The following ANTXR2 variants were observed in gnomAD, a reference collection of about 807,000 sequenced individuals.
The protein encoded by ANTXR2 is anthrax toxin receptor 2.
A neutral mutation model predicts 73.7 loss-of-function variants in ANTXR2; 44 were observed. That is an observed-to-expected ratio of 0.60 (90% CI 0.47 to 0.77). The LOEUF is 0.77. Among genes scored for constraint, ANTXR2 ranks in the 30% least tolerant of loss-of-function variants. The pLI is 0.00. For synonymous variants in ANTXR2, 217 were observed against 205.9 expected, an observed-to-expected ratio of 1.05 and a Z score of -0.46; for missense variants, 604 against 592.5, an observed-to-expected ratio of 1.02 and a Z score of -0.20.
chr4:79,977,388 C>A, intron 16 of ANTXR2: 2 of 825,858 alleles, frequency 2.4e-6, no homozygotes. Context: ...GTACAAATGA[C>A]CAGAATTGTA....
At chr4:80,060,468 A>G (rs35689427) in intron 3 of ANTXR2, among the ~76,000 whole-genome samples, 6,752 of 152,260 alleles carry the variant, frequency 0.044, 184 homozygotes, top group Middle Eastern at 0.11. Context: ...TTTTGGGTAA[A>G]TAGGATAATC....
chr4:80,028,973 C>A (rs1434664109), intron 10 of ANTXR2, among the ~76,000 whole-genome samples: 1 of 152,110 alleles, frequency 6.6e-6, no homozygotes, highest in Non-Finnish European at 1.5e-5. Context: ...TGTACCTGAT[C>A]CAGGAAAGGA....
chr4:80,011,569 G>A (rs1160783131), intron 11 of ANTXR2, among the ~76,000 whole-genome samples: 1 of 152,156 alleles, frequency 6.6e-6, no homozygotes, highest in Non-Finnish European at 1.5e-5. Context: ...GCATGCCTAT[G>A]TAAAACTGAG....
At chr4:80,057,551 G>T (rs758088789) in intron 3 of ANTXR2, among the ~76,000 whole-genome samples, 15 of 151,668 alleles carry the variant, frequency 9.9e-5, no homozygotes, top group Non-Finnish European at 2.1e-4. Context: ...CTCTTTCCTG[G>T]TTCACTCATC....
intron 12 of ANTXR2, among the ~76,000 whole-genome samples, chr4:79,999,112 T>C (rs774450105): frequency 6.6e-6 from 1 of 152,040 alleles, no homozygotes; most frequent in Non-Finnish European, 1.5e-5. Context: ...AGATCTTCTA[T>C]GGCAGGAGTT....
chr4:79,991,591 C>G (rs1301734024), intron 12 of ANTXR2, among the ~76,000 whole-genome samples: 12 of 152,070 alleles, frequency 7.9e-5, no homozygotes. Context: ...ATCCAGCAAT[C>G]CCATTATTGG....
At chr4:80,040,922 C>T (rs1733212475) in intron 7 of ANTXR2, among the ~76,000 whole-genome samples, 1 of 151,848 alleles carries the variant, frequency 6.6e-6, no homozygotes, top group South Asian at 2.1e-4. Flanking sequence ...GTTTTAAGTC[C>T]TCAAACATTA....
chr4:80,006,411 C>T (rs923110794), intron 12 of ANTXR2, among the ~76,000 whole-genome samples: 4 of 151,884 alleles, frequency 2.6e-5, no homozygotes. Context: ...TGCTATCATT[C>T]ACTTATATGT....
chr4:79,990,961 A>C (rs769768617), intron 12 of ANTXR2, among the ~76,000 whole-genome samples: 1 of 152,158 alleles, frequency 6.6e-6, no homozygotes, highest in Non-Finnish European at 1.5e-5. Flanking sequence ...AAACCAGCTC[A>C]AAATGAATTA....
chr4:79,965,344 T>A (rs2110000470), intron 16 of ANTXR2, among the ~76,000 whole-genome samples: 1 of 152,338 alleles, frequency 6.6e-6, no homozygotes, highest in South Asian at 2.1e-4. Flanking sequence ...TGAAAACAGC[T>A]GTGTTTTATT....
chr4:79,925,663 C>G (rs919895398), intron 16 of ANTXR2, among the ~76,000 whole-genome samples: 1 of 152,100 alleles, frequency 6.6e-6, no homozygotes, highest in Non-Finnish European at 1.5e-5. Flanking sequence ...GAGTCATTCT[C>G]TTTGTATGAC....
chr4:80,036,013 G>C lies in ANTXR2; in HGVS notation c.656C>G (p.Thr219Ser). ...IINSILAQSC[T>S]EILELQPSSV... The stretch of plus-strand genomic sequence containing the variant: ...TGAGGGCTGCAATTCTAGGATTTCA[G>C]TACATGACTGAGCTAGTATCTAAAA... The change falls in exon 8 of 17, where the codon ACT (threonine) becomes AGT (serine). Residue 219 changes from threonine (T) to serine (S), a missense_variant. Coordinates refer to ENST00000403729, the MANE Select transcript of ANTXR2 (RefSeq NM_058172.6). 2.0e-6 allele frequency: 3 copies of C among 1,526,158 alleles called. No individual in the cohort carries two copies. The highest frequency in any genetic ancestry group is 2.6e-6 in the Non-Finnish European group (3 of 1,139,626). The allele number at this position is 1,526,158 out of a possible 1,614,324, so 94.5% of individuals were successfully genotyped here.
intron 15 of ANTXR2, 25 bp from the exon 16 acceptor site, chr4:79,977,726 T>A: frequency 6.4e-7 from 1 of 1,551,078 alleles, no homozygotes; most frequent in Non-Finnish European, 8.7e-7. Flanking sequence ...GATTTGTGAA[T>A]TCCCAGAGAA....
chr4:79,947,379 C>G (rs1271259992), intron 16 of ANTXR2, among the ~76,000 whole-genome samples: 1 of 152,042 alleles, frequency 6.6e-6, no homozygotes, highest in Non-Finnish European at 1.5e-5. Flanking sequence ...CTATTCACAA[C>G]AAGGATTGGT....
intron 10 of ANTXR2, among the ~76,000 whole-genome samples, chr4:80,023,744 G>A (rs532358305): frequency 6.6e-6 from 1 of 152,288 alleles, no homozygotes; most frequent in South Asian, 2.1e-4. Flanking sequence ...TGGAAGGCAA[G>A]AAAGGGACAG....
chr4:79,910,426 T>C (rs1213291625), intron 16 of ANTXR2, among the ~76,000 whole-genome samples: 1 of 148,078 alleles, frequency 6.8e-6, no homozygotes, highest in Non-Finnish European at 1.5e-5. Context: ...GGAGAATCGC[T>C]TGAACCCGGG....
At chr4:79,981,610 T>C (rs1313666732) in intron 14 of ANTXR2, among the ~76,000 whole-genome samples, 1 of 152,178 alleles carries the variant, frequency 6.6e-6, no homozygotes. Flanking sequence ...AGATATCATA[T>C]TAAGTATGTG....
intron 16 of ANTXR2, among the ~76,000 whole-genome samples, chr4:79,927,269 A>G (rs1727856575): frequency 7.0e-6 from 1 of 143,878 alleles, no homozygotes; most frequent in Non-Finnish European, 1.5e-5. Flanking sequence ...AAATTAGCAA[A>G]GAGAGTAGAT....
chr4:80,008,742 C>A, intron 11 of ANTXR2, 126 bp from the exon 12 acceptor site: 1 of 514,854 alleles, frequency 1.9e-6, no homozygotes, highest in Non-Finnish European at 3.3e-6. Flanking sequence ...TAGATTTTAA[C>A]TATATTATTT....
Sources: allele counts gnomAD v4.1 joint callset (sites outside exome capture counted in the v4.1 genomes callset), GRCh38; gene constraint gnomAD v4.1.1; transcripts MANE v1.5; gene names NCBI Gene and HGNC (gene_info 2026-07-23, HGNC 2026-07-21).